Variants in SIRT2 observed in about 807,000 individuals in gnomAD.
SIRT2 encodes the protein NAD-dependent protein deacetylase sirtuin-2.
SIRT2 carries 40 observed loss-of-function variants against 57.4 expected under a neutral mutation model. The observed-to-expected ratio is 0.70, with a 90% confidence interval of 0.54 to 0.91. The LOEUF (loss-of-function observed/expected upper bound fraction) is 0.91, where lower values mean the gene tolerates loss of function less well. Ranked by LOEUF, SIRT2 falls within the 40% of genes least tolerant of loss-of-function variation. The pLI is 0.00. For missense variants in SIRT2, 439 were observed against 510.4 expected, an observed-to-expected ratio of 0.86 and a Z score of 1.35; for synonymous variants, 161 against 195.7, an observed-to-expected ratio of 0.82 and a Z score of 1.48.
chr19:38,890,049 G>A (rs562679361), intron 5 of SIRT2, 54 bp downstream of exon 5: 287 of 1,612,626 alleles, frequency 1.8e-4, no homozygotes, highest in Non-Finnish European at 2.4e-4. Context: ...CCCAGCCCTT[G>A]GGAGGGACTC....
At chr19:38,898,668 CAGGG>C in intron 1 of SIRT2, 1 of 371,102 alleles carries the variant, frequency 2.7e-6, no homozygotes, top group East Asian at 3.9e-5. Flanking sequence ...TTTAGGGGGA[CAGGG>C]AGAAAGTAGG....
Position 38,883,072 on chromosome 19 carries a change from CTTG to C in SIRT2, c.631+552_631+554del, listed in dbSNP as rs1294628003. 2.2e-5 allele frequency among the ~76,000 whole-genome samples: 3 copies of C among 134,476 alleles called. No homozygotes were observed. The East Asian group carries it at 6.2e-4, about 28-fold the overall frequency. 88.2% of individuals were successfully genotyped at this position (134,476 alleles called of 152,430 possible). ...TTTCCATGAGTGGAATAAGTGACTT[CTTG>C]TTTTTTTTTTTTTTTTTTTTTTGAG... On this transcript the variant is annotated intron_variant, in intron 9 of 15. Transcript: ENST00000249396.
intron 10 of SIRT2, 60 bp from the exon 11 acceptor site, chr19:38,881,215 T>G (rs1600106335): frequency 1.3e-6 from 2 of 1,536,620 alleles, no homozygotes; most frequent in Admixed American, 3.7e-5. Flanking sequence ...AGAGGACAGG[T>G]GGGAGCAATG....
intron 4 of SIRT2, among the ~76,000 whole-genome samples, chr19:38,892,676 C>T (rs1973578732): frequency 6.6e-6 from 1 of 152,030 alleles, no homozygotes; most frequent in Admixed American, 6.6e-5. Context: ...TGGGCTCAAA[C>T]AATCCTCCCT....
At chr19:38,888,624 C>A (rs1169715648) in intron 8 of SIRT2, among the ~76,000 whole-genome samples, 2 of 152,204 alleles carry the variant, frequency 1.3e-5, no homozygotes, top group African/African-American at 4.8e-5. Context: ...GCACAAAAAA[C>A]TATAAAAAGG....
intron 2 of SIRT2, 102 bp downstream of exon 2, chr19:38,898,277 G>A (rs1282552038): frequency 1.4e-5 from 11 of 797,684 alleles, no homozygotes; most frequent in East Asian, 6.5e-5. Context: ...GCAATGAGCC[G>A]AGGGCCCTGG....
chr19:38,898,596 C>A, intron 1 of SIRT2, 171 bp from the exon 2 acceptor site: 1 of 411,522 alleles, frequency 2.4e-6, no homozygotes, highest in South Asian at 7.9e-5. Flanking sequence ...AAGATCTTAT[C>A]TACATGCAAA....
chr19:38,881,177 G>A (rs1169635139), intron 10 of SIRT2, 22 bp from the exon 11 acceptor site: 9 of 1,608,532 alleles, frequency 5.6e-6, no homozygotes, highest in East Asian at 4.5e-5. Flanking sequence ...ACAGATGGAC[G>A]GACAGAGACA....
Position 38,883,736 on chromosome 19 carries a change from T to C in SIRT2, c.522A>G (p.Arg174=). Residue 174 remains arginine, a synonymous_variant, in exon 9 of 16, where the codon CGA becomes CGG. Transcript: ENST00000249396. ...AGTCCTCCTGTTCCAGCCCGGCTAT[T>C]CGCTCCAGGGTATCTATGTTCTAGA... is the stretch of plus-strand genomic sequence containing the variant. ...CYTQNIDTLE[R]IAGLEQEDLV... The C allele has an allele frequency of 6.2e-7, 1 of 1,613,974 alleles. No individual in the cohort carries two copies. The highest frequency in any genetic ancestry group is 8.5e-7 in the Non-Finnish European group (1 of 1,179,968).
chr19:38,883,132 G>A (rs1973210553), intron 9 of SIRT2, among the ~76,000 whole-genome samples: 1 of 146,750 alleles, frequency 6.8e-6, no homozygotes. Flanking sequence ...CCAAGCTGGA[G>A]TGCAATGGTG....
chr19:38,882,810 T>C (rs914473444), intron 9 of SIRT2, among the ~76,000 whole-genome samples: 2 of 152,154 alleles, frequency 1.3e-5, no homozygotes, highest in Non-Finnish European at 2.9e-5. Context: ...CATGACACCG[T>C]GGGTGCTGCC....
chr19:38,885,792 T>C (rs1477775146), intron 8 of SIRT2, among the ~76,000 whole-genome samples: 1 of 152,026 alleles, frequency 6.6e-6, no homozygotes, highest in East Asian at 1.9e-4. Flanking sequence ...GGTTTCACCA[T>C]GTTGGTCAGG....
intron 4 of SIRT2, 49 bp from the exon 5 acceptor site, chr19:38,890,193 TACGATAGCACC>T: frequency 1.3e-6 from 2 of 1,594,156 alleles, no homozygotes; most frequent in Non-Finnish European, 1.7e-6. Flanking sequence ...GCTCAGTCCC[TACGATAGCACC>T]ACCCATCACA....
intron 8 of SIRT2, among the ~76,000 whole-genome samples, chr19:38,888,335 G>A (rs1021574631): frequency 6.6e-6 from 1 of 152,178 alleles, no homozygotes; most frequent in African/African-American, 2.4e-5. Context: ...ACCCTGCCCA[G>A]CTAATTTTTG....
chr19:38,880,660 C>T lies in SIRT2; in HGVS notation c.876+25G>A, dbSNP rs200668835. The T allele has an allele frequency of 1.8e-5, 28 of 1,526,550 alleles. No homozygotes were observed. The highest frequency in any genetic ancestry group is 2.8e-5 in the African/African-American group (2 of 72,276). The allele number at this position is 1,526,550 out of a possible 1,614,324, so 94.6% of individuals were successfully genotyped here. A position where few individuals can be genotyped will look rare whatever the true frequency, so the allele number is the denominator to read the frequency against. ...AGAGGGAAGGGGGAGCCTGTGACGA[C>T]GGGGGCTTGAAGAAGGGCTCTTACC... On this transcript the variant is annotated intron_variant, in intron 13 of 15. Transcript: ENST00000249396. This position sits in a 1 kb window ranked among gnomAD's most constrained non-coding sequence, Gnocchi z 4.1.
chr19:38,883,082 T>TG lies in SIRT2; in HGVS notation c.631+544_631+545insC, dbSNP rs1349489269. Among the ~76,000 whole-genome samples, 30 of 149,780 alleles carry TG rather than the reference T, an allele frequency of 2.0e-4. No individual in the cohort carries two copies. The South Asian group carries it at 3.6e-3, about 18-fold the overall frequency. ...TGGAATAAGTGACTTCTTGTTTTTT[T>TG]TTTTTTTTTTTTTTTGAGACAGAGT... is the stretch of plus-strand genomic sequence containing the variant. On this transcript the variant is annotated intron_variant, in intron 9 of 15. Transcript: ENST00000249396.
At chr19:38,881,274 G>A in intron 10 of SIRT2, 119 bp from the exon 11 acceptor site, 1 of 1,185,510 alleles carries the variant, frequency 8.4e-7, no homozygotes, top group South Asian at 1.4e-5. Context: ...GGACCGGCCA[G>A]GGGCACAGAC....
chr19:38,890,286 A>G, intron 4 of SIRT2, 142 bp from the exon 5 acceptor site: 1 of 752,424 alleles, frequency 1.3e-6, no homozygotes, highest in East Asian at 2.7e-5. Flanking sequence ...CCTTCCAATC[A>G]TCTAGACGGG....
At chr19:38,879,556 C>A in intron 14 of SIRT2, 56 bp from the exon 15 acceptor site, 1 of 1,560,976 alleles carries the variant, frequency 6.4e-7, no homozygotes, top group South Asian at 1.2e-5. Context: ...GCCTGCTCCT[C>A]TCATCTGCCT....
Sources: allele counts gnomAD v4.1 joint callset (sites outside exome capture counted in the v4.1 genomes callset), GRCh38; gene constraint gnomAD v4.1.1; non-coding constraint Gnocchi (gnomAD v3.1); transcripts MANE v1.5; gene names NCBI Gene and HGNC (gene_info 2026-07-23, HGNC 2026-07-21).